Variants in ZNF365 observed in about 807,000 individuals in gnomAD.
The protein encoded by ZNF365 is zinc finger protein 365.
In ZNF365, 22 loss-of-function variants were observed where a neutral mutation model predicts 35.0. That is an observed-to-expected ratio of 0.63 (90% CI 0.45 to 0.90). The LOEUF is 0.90. ZNF365 is among the 40% of genes least tolerant of loss of function. ZNF365 has a pLI of 0.00. For synonymous variants in ZNF365, 188 were observed against 196.2 expected, an observed-to-expected ratio of 0.96 and a Z score of 0.35; for missense variants, 448 against 500.3, an observed-to-expected ratio of 0.90 and a Z score of 1.00.
At chr10:62,393,249 C>T (rs536197388) in intron 3 of ZNF365, among the ~76,000 whole-genome samples, 1 of 152,268 alleles carries the variant, frequency 6.6e-6, no homozygotes, top group East Asian at 1.9e-4. Context: ...TTTTATAGAA[C>T]AGGTACAGTC....
rs560155276 is a variant in ZNF365 at position 62,388,167 on chromosome 10, T to C, written c.744-229T>C. On this transcript the variant is annotated intron_variant, in intron 2 of 4. Coordinates refer to ENST00000395254, the MANE Select transcript of ZNF365 (RefSeq NM_014951.3). ...CCAGTTTCAATTTTCTTAGCACTTA[T>C]GACCATCTGACATATATTTATTTGT... 2.0e-5 allele frequency among the ~76,000 whole-genome samples: 3 copies of C among 152,370 alleles called. No homozygotes were observed. In the South Asian group the frequency reaches 6.2e-4, roughly 32 times the overall value.
At chr10:62,461,798 T>C (rs1341006901) in intron 4 of ZNF365, among the ~76,000 whole-genome samples, 1 of 152,188 alleles carries the variant, frequency 6.6e-6, no homozygotes, top group Non-Finnish European at 1.5e-5. Context: ...GAAAAAAATC[T>C]TACAAAAAAA....
intron 3 of ZNF365, among the ~76,000 whole-genome samples, chr10:62,413,071 G>C (rs1467451169): frequency 6.6e-6 from 1 of 152,142 alleles, no homozygotes; most frequent in South Asian, 2.1e-4. Flanking sequence ...TATAGCAATG[G>C]TTCTAAAACC....
At chr10:62,387,995 T>C (rs1839552245) in intron 2 of ZNF365, among the ~76,000 whole-genome samples, 2 of 152,224 alleles carry the variant, frequency 1.3e-5, no homozygotes, top group African/African-American at 4.8e-5. Flanking sequence ...ACCCATCTGC[T>C]GTCCCTGGTT....
At chr10:62,417,844 TG>T (rs1330803002) in intron 3 of ZNF365, among the ~76,000 whole-genome samples, 1 of 151,936 alleles carries the variant, frequency 6.6e-6, no homozygotes, top group African/African-American at 2.4e-5. Context: ...ACTGACTTTT[TG>T]TGTGAAAGGG....
Position 62,479,922 on chromosome 10 carries a change from A to G in ZNF365, c.*26A>G, listed in dbSNP as rs764092780. ...TGAACTTCGAATGATGTGATTCTGG[A>G]TGAGGACTTGGATCAAGAGAATCGC... On this transcript the variant is annotated 3_prime_UTR_variant, in exon 5 of 5. Coordinates refer to the ZNF365 transcript ENST00000395255. The G allele has an allele frequency of 3.1e-6, 5 of 1,613,014 alleles. No homozygotes were observed. The Admixed American group carries it at 8.4e-5, about 27-fold the overall frequency.
chr10:62,409,219 T>C (rs1471421515), intron 3 of ZNF365, among the ~76,000 whole-genome samples: 1 of 151,972 alleles, frequency 6.6e-6, no homozygotes, highest in Non-Finnish European at 1.5e-5. Flanking sequence ...TGGAAGAGAG[T>C]GGAGGCAGCA....
At chr10:62,479,497 C>A (rs1564606334) in intron 4 of ZNF365, among the ~76,000 whole-genome samples, 1 of 152,024 alleles carries the variant, frequency 6.6e-6, no homozygotes, top group South Asian at 2.1e-4. Flanking sequence ...GCTCATCAGG[C>A]TTTATCTTGC....
downstream of ZNF365, among the ~76,000 whole-genome samples, chr10:62,407,242 C>A (rs1266295653): frequency 6.6e-6 from 1 of 152,226 alleles, no homozygotes; most frequent in Admixed American, 6.5e-5. Context: ...TGCCCTCTGA[C>A]CTGCTTCCCC....
At chr10:62,474,610 A>G (rs921871722) in intron 4 of ZNF365, among the ~76,000 whole-genome samples, 2 of 152,182 alleles carry the variant, frequency 1.3e-5, no homozygotes, top group African/African-American at 2.4e-5. Context: ...TAATCTCAAC[A>G]GTGTTCATGG....
At chr10:62,431,634 T>C (rs1840336380) in intron 3 of ZNF365, among the ~76,000 whole-genome samples, 1 of 152,148 alleles carries the variant, frequency 6.6e-6, no homozygotes, top group Non-Finnish European at 1.5e-5. Flanking sequence ...GGAGTGAATG[T>C]TTATGATGAG....
intron 3 of ZNF365, among the ~76,000 whole-genome samples, chr10:62,435,330 T>C (rs1840391424): frequency 6.6e-6 from 1 of 152,186 alleles, no homozygotes; most frequent in African/African-American, 2.4e-5. Context: ...AATTTTTTTC[T>C]GATAAACTTA....
At chr10:62,472,435 G>C (rs1211564408) in intron 4 of ZNF365, among the ~76,000 whole-genome samples, 1 of 152,170 alleles carries the variant, frequency 6.6e-6, no homozygotes, top group Non-Finnish European at 1.5e-5. Flanking sequence ...CATTAGAGTA[G>C]ACCTTAACCC....
intron 3 of ZNF365, among the ~76,000 whole-genome samples, chr10:62,394,655 A>G (rs1273140803): frequency 1.3e-5 from 2 of 152,244 alleles, no homozygotes; most frequent in Admixed American, 1.3e-4. Context: ...GAACAAGAAC[A>G]TAAATGCTCA....
chr10:62,390,455 T>C (rs1032012345), intron 3 of ZNF365, among the ~76,000 whole-genome samples: 1 of 152,234 alleles, frequency 6.6e-6, no homozygotes. Flanking sequence ...TAAAATTGTT[T>C]TTGCTCACCT....
chr10:62,480,154 T>G (rs1841200244), exon 5 of ZNF365: 1 of 1,270,456 alleles, frequency 7.9e-7, no homozygotes. Context: ...ATGCTTTGAG[T>G]TTCTCATATA....
At chr10:62,388,604 T>A in intron 3 of ZNF365, 28 bp downstream of exon 3, 1 of 1,611,284 alleles carries the variant, frequency 6.2e-7, no homozygotes, top group Non-Finnish European at 8.5e-7. Flanking sequence ...AGCCACCGAG[T>A]GTAAGATCCC....
At chr10:62,419,327 C>T (rs1479015057) in intron 3 of ZNF365, among the ~76,000 whole-genome samples, 2 of 151,992 alleles carry the variant, frequency 1.3e-5, no homozygotes, top group Non-Finnish European at 2.9e-5. Context: ...GTAAAAACTG[C>T]ACATAATGAT....
intron 3 of ZNF365, among the ~76,000 whole-genome samples, chr10:62,450,877 C>A (rs930924597): frequency 6.6e-6 from 1 of 152,200 alleles, no homozygotes; most frequent in Admixed American, 6.5e-5. Flanking sequence ...CTAAATGAAC[C>A]TATTCCCCTG....
Sources: allele counts gnomAD v4.1 joint callset (sites outside exome capture counted in the v4.1 genomes callset), GRCh38; gene constraint gnomAD v4.1.1; transcripts MANE v1.5; gene names NCBI Gene and HGNC (gene_info 2026-07-23, HGNC 2026-07-21).